The following NRG1 variants were observed in gnomAD, a reference collection of about 807,000 sequenced individuals.
NRG1 encodes the protein pro-neuregulin-1, membrane-bound isoform.
Under a neutral mutation model 63.8 loss-of-function variants are expected in NRG1, and 18 were observed. That is an observed-to-expected ratio of 0.28 (90% confidence interval 0.19 to 0.42). The LOEUF (loss-of-function observed/expected upper bound fraction) is 0.42, where lower values mean the gene tolerates loss of function less well. Among genes scored for constraint, NRG1 ranks in the 10% least tolerant of loss-of-function variants. The probability of loss-of-function intolerance (pLI) is 1.00; values close to 1 mark genes in which losing one functional copy is unlikely to be tolerated. For synonymous variants in NRG1, 302 were observed against 301.3 expected, an observed-to-expected ratio of 1.00 and a Z score of -0.02; for missense variants, 762 against 814.7, an observed-to-expected ratio of 0.94 and a Z score of 0.79.
intron 5 of NRG1, among the ~76,000 whole-genome samples, chr8:32,681,468 G>T (rs1434316238): frequency 2.0e-5 from 3 of 151,882 alleles, no homozygotes; most frequent in Non-Finnish European, 4.4e-5. Flanking sequence ...CCTGTGTATT[G>T]TCTCCCATTT....
At chr8:32,769,734 G>T (rs888187234), downstream of NRG1, among the ~76,000 whole-genome samples, 1 of 152,156 alleles carries the variant, frequency 6.6e-6, no homozygotes, top group African/African-American at 2.4e-5. Flanking sequence ...AAACTGTCTT[G>T]TTGCTACAGG....
At chr8:32,299,236 G>C (rs1855308418) in intron 1 of NRG1, among the ~76,000 whole-genome samples, 1 of 151,830 alleles carries the variant, frequency 6.6e-6, no homozygotes, top group Non-Finnish European at 1.5e-5. Context: ...ATAGTCCTTG[G>C]AGCCATTGTT....
chr8:31,794,752 A>G (rs756367995), intron 1 of NRG1, among the ~76,000 whole-genome samples: 18 of 152,218 alleles, frequency 1.2e-4, no homozygotes, highest in South Asian at 8.3e-4. Flanking sequence ...ATAGTAGTCT[A>G]CCTCAGAAAG....
intron 1 of NRG1, among the ~76,000 whole-genome samples, chr8:31,663,939 C>T (rs1806265811): frequency 6.6e-6 from 1 of 152,028 alleles, no homozygotes; most frequent in Middle Eastern, 3.2e-3. Context: ...TTTATCCACA[C>T]CTCAAGCTCT....
chr8:32,300,143 C>A (rs1267656064), intron 1 of NRG1, among the ~76,000 whole-genome samples: 1 of 151,990 alleles, frequency 6.6e-6, no homozygotes, highest in Non-Finnish European at 1.5e-5. Context: ...CCTCATGTGC[C>A]ACAGAACTTC....
At chr8:32,221,863 T>C (rs1845849863) in intron 1 of NRG1, among the ~76,000 whole-genome samples, 1 of 152,152 alleles carries the variant, frequency 6.6e-6, no homozygotes, top group Non-Finnish European at 1.5e-5. Context: ...TTTGCTCTCT[T>C]CTCAACCATG....
At chr8:31,891,125 A>T (rs1352649700) in intron 1 of NRG1, among the ~76,000 whole-genome samples, 1 of 152,178 alleles carries the variant, frequency 6.6e-6, no homozygotes, top group South Asian at 2.1e-4. Flanking sequence ...CTGAGATCAC[A>T]ACTTATAAAT....
In NRG1 at chr8:32,374,000, C is replaced by T. The variant is rs372981286; in HGVS notation, c.38-221828C>T. Among the ~76,000 whole-genome samples, 59 of 152,186 alleles carry T rather than the reference C, an allele frequency of 3.9e-4. 1 individual carries two copies. The East Asian group carries it at 9.3e-3, about 24-fold the overall frequency. On this transcript the variant is annotated intron_variant, in intron 1 of 10. Coordinates refer to the NRG1 transcript ENST00000519301. ...GAGATTATGGGTAACATTGTATTCCCAGCCTTGAATTTCTGTTATTGTTAC... is the reference window on the plus strand; with the variant it reads ...GAGATTATGGGTAACATTGTATTCCTAGCCTTGAATTTCTGTTATTGTTAC...
intron 1 of NRG1, among the ~76,000 whole-genome samples, chr8:32,463,915 G>GTTTTTT (rs1563499009): frequency 1.6e-5 from 1 of 62,532 alleles, no homozygotes; most frequent in Non-Finnish European, 3.2e-5. Context: ...TTTTTTTTTG[G>GTTTTTT]GGGAGGGTCT....
chr8:31,947,448 T>A lies in NRG1; in HGVS notation c.37+308017T>A, dbSNP rs932715110. ...TATTGTCATTATTATTATTATTATT[T>A]ATTACTGAATCTAGAAAGAATCATG... On this transcript the variant is annotated intron_variant, in intron 1 of 10. Coordinates refer to the NRG1 transcript ENST00000519301. Among the ~76,000 whole-genome samples the A allele has an allele frequency of 1.2e-4, 19 of 152,214 alleles. 1 individual carries two copies. The highest frequency in any genetic ancestry group is 2.8e-4 in the Non-Finnish European group (19 of 68,042).
chr8:32,398,158 G>A (rs1289590591), intron 1 of NRG1, among the ~76,000 whole-genome samples: 6 of 151,978 alleles, frequency 3.9e-5, no homozygotes, highest in Admixed American at 3.3e-4. Flanking sequence ...GATTTTTCTT[G>A]GCTGAAGAAG....
At chr8:31,829,645 G>A (rs1824914416) in intron 1 of NRG1, among the ~76,000 whole-genome samples, 1 of 151,886 alleles carries the variant, frequency 6.6e-6, no homozygotes, top group Non-Finnish European at 1.5e-5. Context: ...ATTTGATAAG[G>A]TGTAAAACCA....
At chr8:32,065,648 C>G (rs1021231868) in intron 1 of NRG1, among the ~76,000 whole-genome samples, 24 of 152,136 alleles carry the variant, frequency 1.6e-4, no homozygotes, top group Admixed American at 2.6e-4. Flanking sequence ...ATAAACATAC[C>G]TGTGCATGGG....
At chr8:32,547,565 G>T (rs1171385105), upstream of NRG1, among the ~76,000 whole-genome samples, 2 of 150,862 alleles carry the variant, frequency 1.3e-5, no homozygotes, top group African/African-American at 2.4e-5. Flanking sequence ...AGGAAAAGCT[G>T]AAGATTTCTA....
intron 1 of NRG1, among the ~76,000 whole-genome samples, chr8:31,669,244 C>T (rs1286756164): frequency 6.8e-6 from 1 of 146,252 alleles, no homozygotes; most frequent in Non-Finnish European, 1.5e-5. Context: ...TTTTTGTATT[C>T]TTTTTTTTTT....
In NRG1 at chr8:32,723,670, C is replaced by T. The variant is rs1311393405; in HGVS notation, c.503-4279C>T. On this transcript the variant is annotated intron_variant, in intron 5 of 11. Transcript: ENST00000356819. Reference sequence around the variant, plus strand: ...GTGCCACTGCACTCCAGCCTGGCAACAGAGCTAGACTCCATCTCAAAAAAA... The same window carrying T: ...GTGCCACTGCACTCCAGCCTGGCAATAGAGCTAGACTCCATCTCAAAAAAA... Among the ~76,000 whole-genome samples, 4 of 102,216 alleles carry T rather than the reference C, an allele frequency of 3.9e-5. No individual in the cohort carries two copies. In the Admixed American group the frequency reaches 4.7e-4, roughly 12 times the overall value. 67.1% of individuals were successfully genotyped at this position (102,216 alleles called of 152,430 possible).
At chr8:32,458,119 T>C (rs1198699098) in intron 1 of NRG1, among the ~76,000 whole-genome samples, 1 of 152,082 alleles carries the variant, frequency 6.6e-6, no homozygotes, top group Non-Finnish European at 1.5e-5. Flanking sequence ...GGTTTCACTA[T>C]GTTGGCCAGG....
chr8:32,524,500 T>TA (rs1255433849), intron 1 of NRG1, among the ~76,000 whole-genome samples: 1 of 151,788 alleles, frequency 6.6e-6, no homozygotes, highest in Non-Finnish European at 1.5e-5. Flanking sequence ...TTAAAGATTT[T>TA]TTTTTTCTAT....
intron 1 of NRG1, among the ~76,000 whole-genome samples, chr8:31,855,101 G>A (rs1420157826): frequency 1.3e-5 from 2 of 151,940 alleles, no homozygotes; most frequent in Non-Finnish European, 2.9e-5. Flanking sequence ...GATTTGGGGT[G>A]GAGAGTTCTG....
Sources: gnomAD v4.1 joint callset for allele counts (sites outside exome capture counted in the v4.1 genomes callset) on GRCh38, gnomAD v4.1.1 for gene constraint, MANE v1.5 for transcripts, NCBI Gene and HGNC (gene_info 2026-07-23, HGNC 2026-07-21) for gene names.